The following TLL1 variants were observed in gnomAD, a reference collection of about 807,000 sequenced individuals.
TLL1 encodes the protein tolloid like 1.
A neutral mutation model predicts 128.2 loss-of-function variants in TLL1; 49 were observed. The ratio of observed to expected loss-of-function variants is 0.38; its 90% CI spans 0.30 to 0.48. The LOEUF is 0.48. TLL1 is among the 20% of genes least tolerant of loss of function. TLL1 has a pLI of 0.96. For missense variants in TLL1, 1,123 were observed against 1,242.0 expected, an observed-to-expected ratio of 0.90 and a Z score of 1.44; for synonymous variants, 454 against 418.8, an observed-to-expected ratio of 1.08 and a Z score of -1.03.
At chr4:166,050,011 G>A (rs1739636492) in intron 12 of TLL1, among the ~76,000 whole-genome samples, 1 of 152,026 alleles carries the variant, frequency 6.6e-6, no homozygotes, top group Non-Finnish European at 1.5e-5. Flanking sequence ...ATGTTTTAAA[G>A]CTACATTGTA....
intron 8 of TLL1, among the ~76,000 whole-genome samples, chr4:166,020,865 G>A (rs1021894275): frequency 6.6e-6 from 1 of 152,166 alleles, no homozygotes; most frequent in African/African-American, 2.4e-5. Context: ...CTATTGTTAT[G>A]TAAAAGTGTT....
At chr4:165,979,592 T>C (rs568716624) in intron 1 of TLL1, among the ~76,000 whole-genome samples, 1 of 152,064 alleles carries the variant, frequency 6.6e-6, no homozygotes, top group Non-Finnish European at 1.5e-5. Flanking sequence ...AAGGGAAACA[T>C]AGATAAGGTA....
chr4:165,954,408 T>C (rs909765779), intron 1 of TLL1, among the ~76,000 whole-genome samples: 1 of 152,106 alleles, frequency 6.6e-6, no homozygotes, highest in African/African-American at 2.4e-5. Context: ...GAAAAAATTA[T>C]GACCACAAAC....
At chr4:166,030,831 TA>T in intron 9 of TLL1, 1 of 1,013,426 alleles carries the variant, frequency 9.9e-7, no homozygotes, top group Non-Finnish European at 1.2e-6. Context: ...GATTATTTTT[TA>T]AATTAGCGTT....
At chr4:165,997,796 A>G (rs1375678800) in intron 5 of TLL1, among the ~76,000 whole-genome samples, 1 of 152,198 alleles carries the variant, frequency 6.6e-6, no homozygotes, top group East Asian at 1.9e-4. Flanking sequence ...AAATTGTATT[A>G]TAAGTACAGT....
intron 1 of TLL1, among the ~76,000 whole-genome samples, chr4:165,917,241 T>C (rs1732823707): frequency 6.6e-6 from 1 of 152,168 alleles, no homozygotes; most frequent in Non-Finnish European, 1.5e-5. Context: ...CTTCTAGTGT[T>C]TGACTAGCAT....
At chr4:166,044,505 T>A (rs1739373675) in intron 12 of TLL1, 2 of 1,250,012 alleles carry the variant, frequency 1.6e-6, no homozygotes, top group Non-Finnish European at 2.2e-6. Flanking sequence ...ATGTATTTCC[T>A]TTTGTTACCA....
chr4:166,058,745 A>C (rs1483168922), intron 14 of TLL1, among the ~76,000 whole-genome samples: 1 of 152,108 alleles, frequency 6.6e-6, no homozygotes, highest in East Asian at 1.9e-4. Flanking sequence ...ATTTATATTT[A>C]TGTATTTATT....
chr4:165,925,183 AT>A (rs1269934011), intron 1 of TLL1, among the ~76,000 whole-genome samples: 4 of 152,354 alleles, frequency 2.6e-5, no homozygotes, highest in African/African-American at 9.6e-5. Context: ...TAAGAAATAC[AT>A]TTTGTATGGC....
chr4:165,985,919 A>G (rs1263167027), intron 1 of TLL1, among the ~76,000 whole-genome samples: 1 of 150,878 alleles, frequency 6.6e-6, no homozygotes, highest in African/African-American at 2.4e-5. Flanking sequence ...CCAACCCCCT[A>G]TTTGACCATA....
chr4:166,053,300 T>C (rs1739843085), intron 12 of TLL1: 1 of 152,052 alleles, frequency 6.6e-6, no homozygotes, highest in African/African-American at 2.4e-5. Flanking sequence ...ATAGCCATCT[T>C]CTCACACTTC....
intron 1 of TLL1, among the ~76,000 whole-genome samples, chr4:165,904,256 A>G (rs1479036096): frequency 1.3e-5 from 2 of 152,164 alleles, no homozygotes; most frequent in African/African-American, 4.8e-5. Flanking sequence ...GAAGTCTAAT[A>G]AGATTATTAC....
At chr4:165,917,545 G>A (rs545332572) in intron 1 of TLL1, among the ~76,000 whole-genome samples, 7 of 152,054 alleles carry the variant, frequency 4.6e-5, no homozygotes, top group South Asian at 4.2e-4. Context: ...TATCTTTGTT[G>A]TATTATATTT....
At chr4:166,094,461 TTATTTCCCTG>T (rs1257463052) in intron 19 of TLL1, among the ~76,000 whole-genome samples, 1 of 151,544 alleles carries the variant, frequency 6.6e-6, no homozygotes, top group Non-Finnish European at 1.5e-5. Context: ...TAGGCTCATT[TTATTTCCCTG>T]TTTCATTCAC....
At chr4:165,960,678 T>A (rs1425670840) in intron 1 of TLL1, among the ~76,000 whole-genome samples, 1 of 152,174 alleles carries the variant, frequency 6.6e-6, no homozygotes, top group African/African-American at 2.4e-5. Flanking sequence ...TCAATAAATG[T>A]AATTCACCAC....
At chr4:166,084,021 C>T (rs1741397490) in intron 18 of TLL1, among the ~76,000 whole-genome samples, 1 of 152,016 alleles carries the variant, frequency 6.6e-6, no homozygotes, top group South Asian at 2.1e-4. Context: ...GCAAGGATTC[C>T]CTTTTCTCCA....
chr4:166,079,750 G>A (rs1310575993), intron 18 of TLL1, among the ~76,000 whole-genome samples: 1 of 151,964 alleles, frequency 6.6e-6, no homozygotes, highest in African/African-American at 2.4e-5. Context: ...ATTCATCTGT[G>A]CCATTGTCTG....
intron 1 of TLL1, among the ~76,000 whole-genome samples, chr4:165,972,885 T>C (rs957570790): frequency 6.6e-6 from 1 of 152,168 alleles, no homozygotes; most frequent in African/African-American, 2.4e-5. Flanking sequence ...GTGTTCCTTG[T>C]AGCCTTGGTA....
intron 5 of TLL1, among the ~76,000 whole-genome samples, chr4:165,998,256 T>C (rs1272243294): frequency 6.6e-6 from 1 of 152,214 alleles, no homozygotes; most frequent in Non-Finnish European, 1.5e-5. Flanking sequence ...TATATAACTA[T>C]GTTTATTACC....
Sources: gnomAD v4.1 joint callset for allele counts (sites outside exome capture counted in the v4.1 genomes callset) on GRCh38, gnomAD v4.1.1 for gene constraint, MANE v1.5 for transcripts, NCBI Gene and HGNC (gene_info 2026-07-23, HGNC 2026-07-21) for gene names.